UNC79: variants seen among roughly 807,000 people sequenced by gnomAD.
UNC79 encodes the protein unc-79 subunit of NALCN channel complex.
Under a neutral mutation model 283.1 loss-of-function variants are expected in UNC79, and 37 were observed. The observed-to-expected ratio is 0.13, with a 90% CI of 0.10 to 0.17. UNC79 has a LOEUF of 0.17. Ranked by LOEUF, UNC79 falls within the 10% of genes least tolerant of loss-of-function variation. The pLI is 1.00. For synonymous variants in UNC79, 1,107 were observed against 1,200.2 expected (o/e 0.92, Z 1.61); for missense variants, 2,272 against 3,211.1 (o/e 0.71, Z 7.07).
intron 14 of UNC79, among the ~76,000 whole-genome samples, chr14:93,571,043 G>A (rs899462911): frequency 1.3e-5 from 2 of 152,094 alleles, no homozygotes; most frequent in African/African-American, 4.8e-5. Context: ...TAGGATTTTG[G>A]TCAATATGGC....
chr14:93,420,022 A>G (rs1338031936), intron 1 of UNC79, among the ~76,000 whole-genome samples: 5 of 151,796 alleles, frequency 3.3e-5, no homozygotes. Flanking sequence ...TATCTTCCCT[A>G]AAAGGAAGAC....
intron 40 of UNC79, among the ~76,000 whole-genome samples, chr14:93,668,513 C>A (rs1049369664): frequency 6.6e-6 from 1 of 151,894 alleles, no homozygotes; most frequent in African/African-American, 2.4e-5. Context: ...GAGCCTGAGA[C>A]CAGCCTGGGC....
At chr14:93,465,084 C>G (rs527595863) in intron 1 of UNC79, among the ~76,000 whole-genome samples, 3 of 152,272 alleles carry the variant, frequency 2.0e-5, no homozygotes, top group East Asian at 3.9e-4. Context: ...ACTCACCACT[C>G]TCTTCCTCTT....
intron 40 of UNC79, among the ~76,000 whole-genome samples, chr14:93,670,434 A>C (rs2072718502): frequency 6.6e-6 from 1 of 152,226 alleles, no homozygotes; most frequent in Non-Finnish European, 1.5e-5. Flanking sequence ...TTGGTAGAGC[A>C]GCTCACAGAA....
At chr14:93,534,669 T>C (rs1049402529) in intron 11 of UNC79, among the ~76,000 whole-genome samples, 5 of 152,210 alleles carry the variant, frequency 3.3e-5, no homozygotes, top group African/African-American at 1.2e-4. Context: ...ATCTTTATCC[T>C]GAGGCCATTC....
rs984841404 is a variant in UNC79 at position 93,460,227 on chromosome 14, A to T, written c.23-7444A>T. On this transcript the variant is annotated intron_variant, in intron 1 of 48. Transcript: ENST00000555664. ...TCAAAAAAAAAAAAAAAAAAAAAAA[A>T]GGCCGAGTGCAGTGGCTTACGCCTG... is the stretch of plus-strand genomic sequence containing the variant. 4.6e-4 allele frequency among the ~76,000 whole-genome samples: 62 copies of T among 133,684 alleles called. No individual in the cohort carries two copies. In the East Asian group the frequency reaches 0.012, roughly 26 times the overall value. The allele number at this position is 133,684 out of a possible 152,430, so 87.7% of individuals were successfully genotyped here.
chr14:93,384,544 A>C (rs1203545788), intron 1 of UNC79, among the ~76,000 whole-genome samples: 1 of 152,042 alleles, frequency 6.6e-6, no homozygotes, highest in African/African-American at 2.4e-5. Context: ...TTTAAATTGG[A>C]TTATTAGATG....
intron 5 of UNC79, among the ~76,000 whole-genome samples, chr14:93,493,800 T>A (rs1161157139): frequency 6.8e-6 from 1 of 147,682 alleles, no homozygotes; most frequent in African/African-American, 2.5e-5. Flanking sequence ...AAACTCATAA[T>A]CATGGTAGAA....
At chr14:93,335,213 C>T (rs2053552689) in intron 1 of UNC79, among the ~76,000 whole-genome samples, 1 of 152,200 alleles carries the variant, frequency 6.6e-6, no homozygotes. Flanking sequence ...ATCTAGAAAC[C>T]ATTTGTAAGT....
intron 14 of UNC79, among the ~76,000 whole-genome samples, chr14:93,569,490 T>C (rs1229898828): frequency 1.3e-5 from 2 of 152,174 alleles, no homozygotes; most frequent in Non-Finnish European, 2.9e-5. Context: ...CTTGAGAATT[T>C]AGTTCTGGAT....
intron 1 of UNC79, among the ~76,000 whole-genome samples, chr14:93,380,774 A>G (rs1425803004): frequency 6.6e-6 from 1 of 152,066 alleles, no homozygotes; most frequent in Non-Finnish European, 1.5e-5. Flanking sequence ...CTTTATATTC[A>G]GTGTATAGAT....
chr14:93,666,559 G>A lies in UNC79; in HGVS notation c.6636+3845G>A, dbSNP rs556557822. On this transcript the variant is annotated intron_variant, in intron 40 of 48. Transcript: ENST00000555664. ...AAGAGGAGCAACTCACCAGGATAATGTGACAATTCAAAAATTACACAGAGC... is the reference window on the plus strand; with the variant it reads ...AAGAGGAGCAACTCACCAGGATAATATGACAATTCAAAAATTACACAGAGC... Among the ~76,000 whole-genome samples the A allele has an allele frequency of 1.1e-4, 17 of 152,242 alleles. No individual in the cohort carries two copies. In the South Asian group the frequency reaches 3.3e-3, roughly 30 times the overall value.
chr14:93,611,864 G>A lies in UNC79; in HGVS notation c.3755-933G>A, dbSNP rs189004469. 3.9e-5 allele frequency among the ~76,000 whole-genome samples: 6 copies of A among 151,910 alleles called. No individual in the cohort carries two copies. In the East Asian group the frequency reaches 5.8e-4, roughly 15 times the overall value. ...CTTATTAAAAAAAAAAAGGACAAGAGTATTTTGAATAATCCCCAAACCATA... is the reference window on the plus strand; with the variant it reads ...CTTATTAAAAAAAAAAAGGACAAGAATATTTTGAATAATCCCCAAACCATA... On this transcript the variant is annotated intron_variant, in intron 26 of 48. Transcript: ENST00000555664.
At chr14:93,538,054 C>T (rs763298926) in exon 12 of UNC79, 3 of 1,614,146 alleles carry the variant, frequency 1.9e-6, no homozygotes, top group Admixed American at 3.3e-5. Context: ...GTGGTCGTCA[C>T]GGAAACAGGC....
chr14:93,566,169 T>G (rs186047088), intron 14 of UNC79, among the ~76,000 whole-genome samples: 4,196 of 152,158 alleles, frequency 0.028, 208 homozygotes, highest in African/African-American at 0.096. Flanking sequence ...GCCTCCCGCT[T>G]GGGAGAGAAA....
intron 18 of UNC79, 63 bp downstream of exon 18, chr14:93,578,126 A>C (rs928888451): frequency 1.4e-6 from 2 of 1,466,664 alleles, no homozygotes; most frequent in Non-Finnish European, 9.3e-7. Flanking sequence ...GTTGTACAGC[A>C]ATTCTTTCCA....
chr14:93,648,819 A>G (rs1208515810), intron 35 of UNC79, among the ~76,000 whole-genome samples: 2 of 152,230 alleles, frequency 1.3e-5, no homozygotes, highest in East Asian at 3.8e-4. Flanking sequence ...AAAAGCCAAT[A>G]TAACCACAGC....
chr14:93,678,018 C>T (rs1253063680), intron 41 of UNC79, among the ~76,000 whole-genome samples: 3 of 152,102 alleles, frequency 2.0e-5, no homozygotes, highest in Non-Finnish European at 4.4e-5. Flanking sequence ...TCCAGGTGTT[C>T]TCTGTAGAAT....
intron 1 of UNC79, among the ~76,000 whole-genome samples, chr14:93,454,146 C>A (rs1412256706): frequency 6.6e-6 from 1 of 151,636 alleles, no homozygotes; most frequent in Non-Finnish European, 1.5e-5. Context: ...GGGCTCAAAC[C>A]ACCCTCCCAC....
Sources: allele counts gnomAD v4.1 joint callset (sites outside exome capture counted in the v4.1 genomes callset), GRCh38; gene constraint gnomAD v4.1.1; transcripts MANE v1.5; gene names NCBI Gene and HGNC (gene_info 2026-07-23, HGNC 2026-07-21).